SPMIP2: variants seen among roughly 807,000 people sequenced by gnomAD.
The protein encoded by SPMIP2 is sperm microtubule inner protein 2, also known as protein SPMIP2.
the SPMIP2 span, among the ~76,000 whole-genome samples, chr4:158,900,272 A>G: frequency 1.3e-5 from 2 of 152,250 alleles, no homozygotes; most frequent in African/African-American, 4.8e-5. Context: ...TTTGTGGTCA[A>G]TTTTAGAATA....
the SPMIP2 span, among the ~76,000 whole-genome samples, chr4:158,998,809 C>T: frequency 6.6e-5 from 10 of 152,024 alleles, no homozygotes; most frequent in African/African-American, 2.2e-4. Context: ...AGAGCACAAC[C>T]GACACTGGAC....
At chr4:158,897,831 T>C in the SPMIP2 span, among the ~76,000 whole-genome samples, 2 of 152,228 alleles carry the variant, frequency 1.3e-5, no homozygotes, top group African/African-American at 4.8e-5. Context: ...GTGAAGAAAC[T>C]CTTTAGTTTA....
chr4:158,999,140 C>T, the SPMIP2 span, among the ~76,000 whole-genome samples: 1 of 150,054 alleles, frequency 6.7e-6, no homozygotes. Flanking sequence ...CCACTGCACT[C>T]TAGCTGGGAG....
chr4:159,000,494 C>CTTTTTTT, the SPMIP2 span, among the ~76,000 whole-genome samples: 5 of 129,996 alleles, frequency 3.8e-5, no homozygotes, highest in Admixed American at 8.3e-5. Flanking sequence ...TCTTCTTCTT[C>CTTTTTTT]TTTTTTTTTT....
At chr4:159,036,897 G>C in the SPMIP2 span, among the ~76,000 whole-genome samples, 1 of 152,120 alleles carries the variant, frequency 6.6e-6, no homozygotes, top group African/African-American at 2.4e-5. Flanking sequence ...CTAGCTGAAA[G>C]TATCTTTCTT....
chr4:159,055,935 A>G, the SPMIP2 span, among the ~76,000 whole-genome samples: 3 of 152,114 alleles, frequency 2.0e-5, no homozygotes, highest in Non-Finnish European at 2.9e-5. Context: ...CAGCTCACAA[A>G]TGTAAATGTA....
chr4:159,023,227 C>T, the SPMIP2 span, among the ~76,000 whole-genome samples: 3,613 of 152,058 alleles, frequency 0.024, 86 homozygotes, highest in African/African-American at 0.066. Flanking sequence ...GACAGAAGAC[C>T]GTCTCACCCA....
the SPMIP2 span, among the ~76,000 whole-genome samples, chr4:158,987,797 A>G: frequency 1.3e-5 from 2 of 151,998 alleles, no homozygotes; most frequent in Non-Finnish European, 2.9e-5. Context: ...AAATAAAAAT[A>G]AAATAAAAAT....
the SPMIP2 span, among the ~76,000 whole-genome samples, chr4:158,942,175 T>C: frequency 0.64 from 98,055 of 152,104 alleles, 32,180 homozygotes; most frequent in East Asian, 0.88. Context: ...ATGAAAAGTT[T>C]TTATTGTCAA....
the SPMIP2 span, among the ~76,000 whole-genome samples, chr4:159,048,401 T>C: frequency 2.6e-4 from 40 of 152,316 alleles, no homozygotes; most frequent in Non-Finnish European, 5.0e-4. Context: ...TTCAAAATGT[T>C]CAGTTCCCTG....
chr4:158,977,571 G>A, the SPMIP2 span, among the ~76,000 whole-genome samples: 20 of 15,224 alleles, frequency 1.3e-3, no homozygotes, highest in African/African-American at 2.7e-3. Context: ...TTTTTTGAAG[G>A]GTTTTTTGTG....
At chr4:158,998,338 T>C in the SPMIP2 span, among the ~76,000 whole-genome samples, 1 of 152,358 alleles carries the variant, frequency 6.6e-6, no homozygotes, top group Non-Finnish European at 1.5e-5. Context: ...ATCTTACATC[T>C]CCTTCTTGCA....
At chr4:158,899,301 G>A in the SPMIP2 span, among the ~76,000 whole-genome samples, 31 of 152,142 alleles carry the variant, frequency 2.0e-4, no homozygotes, top group African/African-American at 7.2e-4. Flanking sequence ...ATATTGGCCT[G>A]ACATTTTCTT....
chr4:158,900,083 T>C, the SPMIP2 span, among the ~76,000 whole-genome samples: 1 of 152,240 alleles, frequency 6.6e-6, no homozygotes, highest in Non-Finnish European at 1.5e-5. Context: ...CTTTTATTTC[T>C]GCCTTCATTT....
chr4:158,918,610 C>A, the SPMIP2 span, among the ~76,000 whole-genome samples: 7 of 152,202 alleles, frequency 4.6e-5, no homozygotes, highest in Non-Finnish European at 5.9e-5. Flanking sequence ...ATTTTATTAT[C>A]TTTTAAATTC....
the SPMIP2 span, among the ~76,000 whole-genome samples, chr4:159,065,033 C>T: frequency 1.1e-3 from 173 of 152,238 alleles, no homozygotes; most frequent in African/African-American, 3.9e-3. Flanking sequence ...AGAATGGTGA[C>T]GGGGAAGATG....
the SPMIP2 span, among the ~76,000 whole-genome samples, chr4:159,003,715 A>G: frequency 6.6e-6 from 1 of 152,238 alleles, no homozygotes; most frequent in Non-Finnish European, 1.5e-5. Context: ...TTTCTTCCAC[A>G]AAAGAGAGCT....
chr4:158,916,510 C>T, the SPMIP2 span, among the ~76,000 whole-genome samples: 3 of 152,282 alleles, frequency 2.0e-5, no homozygotes, highest in South Asian at 6.2e-4. Flanking sequence ...AGCAGACCCT[C>T]CCCTGACATC....
At chr4:159,069,427 G>GTTCTCTT in the SPMIP2 span, among the ~76,000 whole-genome samples, 2 of 151,622 alleles carry the variant, frequency 1.3e-5, no homozygotes, top group African/African-American at 4.8e-5. Flanking sequence ...TTTTTAACTT[G>GTTCTCTT]TTTTCTTTTT....
Sources: gnomAD v4.1 joint callset for allele counts (sites outside exome capture counted in the v4.1 genomes callset) on GRCh38, gnomAD v4.1.1 for gene constraint, MANE v1.5 for transcripts, NCBI Gene and HGNC (gene_info 2026-07-23, HGNC 2026-07-21) for gene names.